Variants in DERL3 observed in about 807,000 individuals in gnomAD.
The protein encoded by DERL3 is derlin-3.
A neutral mutation model predicts 23.8 loss-of-function variants in DERL3; 20 were observed. That is an observed-to-expected ratio of 0.84 (90% CI 0.59 to 1.22). The LOEUF is 1.22. Ranked by LOEUF, DERL3 falls within the 50% of genes most tolerant of loss-of-function variation. The pLI is 0.00. For missense variants in DERL3, 319 were observed against 304.1 expected (o/e 1.05, Z -0.36); for synonymous variants, 145 against 132.5 (o/e 1.09, Z -0.65).
Position 23,836,102 on chromosome 22 carries a change from C to T in DERL3, c.*767G>A. On this transcript the variant is annotated 3_prime_UTR_variant, in exon 7 of 7. Coordinates refer to ENST00000318109, the MANE Select transcript of DERL3 (RefSeq NM_001002862.3). The stretch of plus-strand genomic sequence containing the variant: ...TGAGCCACAGGGGTCGGATAAGGCT[C>T]ACACACGTCCTCAGCTAAAAAGGGC... 1 of 985,454 alleles carries T rather than the reference C, an allele frequency of 1.0e-6. No individual in the cohort carries two copies. The highest frequency in any genetic ancestry group is 1.2e-6 in the Non-Finnish European group (1 of 829,952). The allele number at this position is 985,454 out of a possible 1,614,324, so 61.0% of individuals were successfully genotyped here.
Position 23,838,650 on chromosome 22 carries a change from G to T in DERL3, c.160-13C>A, listed in dbSNP as rs2031312175. On this transcript the variant is annotated splice_polypyrimidine_tract_variant and intron_variant, in intron 2 of 6. Transcript: ENST00000318109. ...CGAGCCTCCAGACCTACGGGGGACGGGCGGTCAGGTGCGGGGTGGGTGGGT... is the reference window on the plus strand; with the variant it reads ...CGAGCCTCCAGACCTACGGGGGACGTGCGGTCAGGTGCGGGGTGGGTGGGT... 3.9e-6 allele frequency: 6 copies of T among 1,558,172 alleles called. No individual in the cohort carries two copies. The highest frequency in any genetic ancestry group is 5.2e-6 in the Non-Finnish European group (6 of 1,151,434).
Position 23,836,977 on chromosome 22 carries a change from C to T in DERL3, c.615-15G>A. The T allele has an allele frequency of 6.2e-7, 1 of 1,604,618 alleles. No homozygotes were observed. The highest frequency in any genetic ancestry group is 8.5e-7 in the Non-Finnish European group (1 of 1,175,722). On this transcript the variant is annotated splice_polypyrimidine_tract_variant and intron_variant, in intron 6 of 6. Transcript: ENST00000318109. ...GGAGCAGCTTTCTGTGGGGAGGGGC[C>T]CGTGTTGAGCACAGGCCAGCACAGG... is the stretch of plus-strand genomic sequence containing the variant.
chr22:23,835,121 C>T lies in DERL3; in HGVS notation c.*1748G>A, dbSNP rs916423200. The T allele has an allele frequency of 1.2e-4, 169 of 1,368,996 alleles. No individual in the cohort carries two copies. Among genetic ancestry groups the T allele is most frequent in the Non-Finnish European group, 1.4e-4 (148 of 1,064,146 alleles). The allele number at this position is 1,368,996 out of a possible 1,614,324, so 84.8% of individuals were successfully genotyped here. A position where few individuals can be genotyped will look rare whatever the true frequency, so the allele number is the denominator to read the frequency against. ...GTGAGGAATATGGGAATAGCCCTCC[C>T]GGCCTGGTGCCAGCTCTTGGAGTTG... On this transcript the variant is annotated 3_prime_UTR_variant, in exon 7 of 7. Transcript: ENST00000318109.
rs777419308 is a variant in DERL3, at chr22:23,838,456, G to C, written c.234-11C>G. 7 of 1,592,486 alleles carry C rather than the reference G, an allele frequency of 4.4e-6. No homozygotes were observed. Among genetic ancestry groups the C allele is most frequent in the Non-Finnish European group, 4.3e-6 (5 of 1,168,996 alleles). On this transcript the variant is annotated splice_polypyrimidine_tract_variant and intron_variant, in intron 3 of 6. Transcript: ENST00000318109. The stretch of plus-strand genomic sequence containing the variant: ...CGGCAGTAGCGGAACCTACGGCGTC[G>C]GTATAGGAAGTGCCACCAGGCGGGG...
chr22:23,837,817 T>C lies in DERL3; in HGVS notation c.365A>G (p.Gln122Arg). The C allele has an allele frequency of 1.2e-6, 2 of 1,613,642 alleles. No homozygotes were observed. Among genetic ancestry groups the C allele is most frequent in the Non-Finnish European group, 1.7e-6 (2 of 1,179,872 alleles). The change falls in exon 5 of 7, where the codon CAG (glutamine) becomes CGG (arginine). Residue 122 changes from glutamine to arginine, a missense_variant. Transcript: ENST00000318109. ...GTACACCAGCATGGCCATGAGGGCCTGGCCCAGGAAGAACAGGCTGCCCAG... is the reference window on the plus strand; with the variant it reads ...GTACACCAGCATGGCCATGAGGGCCCGGCCCAGGAAGAACAGGCTGCCCAG... ...GLLGSLFFLG[Q>R]ALMAMLVYVW...
rs1477407659 is a variant in DERL3 at position 23,835,505 on chromosome 22, A to C, written c.*1364T>G. On this transcript the variant is annotated 3_prime_UTR_variant, in exon 7 of 7. Coordinates refer to ENST00000318109, the MANE Select transcript of DERL3 (RefSeq NM_001002862.3). The stretch of plus-strand genomic sequence containing the variant: ...TGGGGTTCTTGGTCGCTGAGATGTG[A>C]GAGGAGGGCTCCTTTGAGCACATGT... 1.0e-6 allele frequency: 1 copy of C among 985,440 alleles called. No individual in the cohort carries two copies. Among genetic ancestry groups the C allele is most frequent in the Non-Finnish European group, 1.2e-6 (1 of 830,024 alleles). 61.0% of individuals were successfully genotyped at this position (985,440 alleles called of 1,614,324 possible).
intron 6 of DERL3, 40 bp from the exon 7 acceptor site, chr22:23,837,002 G>A (rs779167583): frequency 6.2e-7 from 1 of 1,611,798 alleles, no homozygotes; most frequent in Non-Finnish European, 8.5e-7. Flanking sequence ...GCCAGCACAG[G>A]TCCCCATCGG....
At position 23,838,613 on chromosome 22, in the gene DERL3, G is replaced by A. The variant is rs747058361; in HGVS notation, c.184C>T (p.Leu62Phe). ...FQVWRLVTNF[L>F]FFGPLGFSFF... ...CTGAATCCCAGGGGCCCGAAGAAGA[G>A]GAAGTTGGTGACGAGCCTCCAGACC... The change falls in exon 3 of 7, where the codon CTC becomes TTC. Residue 62 changes from leucine to phenylalanine, a missense_variant. Transcript: ENST00000318109. 3.2e-6 allele frequency: 5 copies of A among 1,581,960 alleles called. No individual in the cohort carries two copies. The highest frequency in any genetic ancestry group is 1.4e-5 in the African/African-American group (1 of 73,720).
At chr22:23,837,987 T>A in intron 4 of DERL3, 133 bp from the exon 5 acceptor site, 1 of 1,241,554 alleles carries the variant, frequency 8.1e-7, no homozygotes, top group Non-Finnish European at 1.1e-6. Flanking sequence ...GCCAGTCCAA[T>A]AAAGGCGACA....
At position 23,834,837 on chromosome 22, in the gene DERL3, G is replaced by A. The variant is rs745936222; in HGVS notation, c.*2032C>T. On this transcript the variant is annotated 3_prime_UTR_variant, in exon 7 of 7. Transcript: ENST00000318109. ...TCCCCTTGCTTGGCCTCAGGAAGGT[G>A]CCGCGAGCTCTCCTGCCGTCCCTGG... 6.2e-7 allele frequency: 1 copy of A among 1,611,716 alleles called. No homozygotes were observed. Among genetic ancestry groups the A allele is most frequent in the Non-Finnish European group, 8.5e-7 (1 of 1,179,346 alleles).
rs1301089549 is a variant in DERL3, at chr22:23,836,319, GAGAC to G, written c.*546_*549del. The G allele has an allele frequency of 2.0e-6, 2 of 985,420 alleles. No homozygotes were observed. The highest frequency in any genetic ancestry group is 2.4e-6 in the Non-Finnish European group (2 of 829,974). The allele number at this position is 985,420 out of a possible 1,614,324, so 61.0% of individuals were successfully genotyped here. ...GCCCACCTGTCAGGGTGGCTGATGA[GAGAC>G]AGGAGAGGCTAGATTGGCATCAGCC... is the stretch of plus-strand genomic sequence containing the variant. On this transcript the variant is annotated 3_prime_UTR_variant, in exon 7 of 7. Coordinates refer to ENST00000318109, the MANE Select transcript of DERL3 (RefSeq NM_001002862.3).
Position 23,836,648 on chromosome 22 carries a change from G to T in DERL3, c.*221C>A. ...CTATCCTACCACCTGCAGTTGGGCT[G>T]AGAGGCCACACTGAGTGAGGACGGG... On this transcript the variant is annotated 3_prime_UTR_variant, in exon 7 of 7. Coordinates refer to ENST00000318109, the MANE Select transcript of DERL3 (RefSeq NM_001002862.3). The T allele has an allele frequency of 8.0e-7, 1 of 1,251,078 alleles. No homozygotes were observed. The highest frequency in any genetic ancestry group is 1.0e-6 in the Non-Finnish European group (1 of 1,002,060). 77.5% of individuals were successfully genotyped at this position (1,251,078 alleles called of 1,614,324 possible). A position where few individuals can be genotyped will look rare whatever the true frequency, so the allele number is the denominator to read the frequency against.
rs769019980 is a variant in DERL3, at chr22:23,837,647, C to A, written c.523+12G>T. ...CCAGCCTGGGGCGGACTAGATGTAC[C>A]GGGAGGCTCACCCAGCAGGTCCACG... On this transcript the variant is annotated intron_variant, in intron 5 of 6. Coordinates refer to ENST00000318109, the MANE Select transcript of DERL3 (RefSeq NM_001002862.3). 1 of 1,609,552 alleles carries A rather than the reference C, an allele frequency of 6.2e-7. No individual in the cohort carries two copies. Among genetic ancestry groups the A allele is most frequent in the Non-Finnish European group, 8.5e-7 (1 of 1,177,240 alleles).
At position 23,834,709 on chromosome 22, in the gene DERL3, TCC is replaced by T; in HGVS notation, c.*2158_*2159del. ...GGGTAGCACCTCAGCTCCTCTCAGC[TCC>T]CCTCAGCCTGTTCTCCTTCCAGACC... is the stretch of plus-strand genomic sequence containing the variant. On this transcript the variant is annotated 3_prime_UTR_variant, in exon 7 of 7. Transcript: ENST00000318109. 1 of 1,370,272 alleles carries T rather than the reference TCC, an allele frequency of 7.3e-7. No homozygotes were observed. The highest frequency in any genetic ancestry group is 9.8e-7 in the Non-Finnish European group (1 of 1,024,766). 84.9% of individuals were successfully genotyped at this position (1,370,272 alleles called of 1,614,324 possible).
chr22:23,837,983 C>G, intron 4 of DERL3, 129 bp from the exon 5 acceptor site: 1 of 1,240,462 alleles, frequency 8.1e-7, no homozygotes, highest in Non-Finnish European at 1.1e-6. Context: ...ATGAGCCAGT[C>G]CAATAAAGGC....
At chr22:23,838,811 G>A (rs1423367783) in intron 1 of DERL3, 35 bp from the exon 2 acceptor site, 10 of 1,550,980 alleles carry the variant, frequency 6.4e-6, no homozygotes, top group Non-Finnish European at 7.8e-6. Context: ...AGCTGCCCGG[G>A]AGCCACGCCG....
Position 23,835,864 on chromosome 22 carries a change from TC to T in DERL3, c.*1004del, listed in dbSNP as rs200643222. 111,362 of 973,396 alleles carry T rather than the reference TC, an allele frequency of 0.11. 6,363 individuals carry two copies. The highest frequency in any genetic ancestry group is 0.2 in the South Asian group (3,688 of 18,098). The allele number at this position is 973,396 out of a possible 1,614,324, so 60.3% of individuals were successfully genotyped here. A position where few individuals can be genotyped will look rare whatever the true frequency, so the allele number is the denominator to read the frequency against. On this transcript the variant is annotated 3_prime_UTR_variant, in exon 7 of 7. Coordinates refer to ENST00000318109, the MANE Select transcript of DERL3 (RefSeq NM_001002862.3). ...GGGAGGTGCCGGGAAGGCTGGGCCC[TC>T]ACTCCTGACCGCCAGCTCACACCGC...
Position 23,836,089 on chromosome 22 carries a change from G to A in DERL3, c.*780C>T, listed in dbSNP as rs904864288. On this transcript the variant is annotated 3_prime_UTR_variant, in exon 7 of 7. Transcript: ENST00000318109. Reference sequence around the variant, plus strand: ...CAGAAGAGAAAAATGAGCCACAGGGGTCGGATAAGGCTCACACACGTCCTC... The same window carrying A: ...CAGAAGAGAAAAATGAGCCACAGGGATCGGATAAGGCTCACACACGTCCTC... 1 of 985,342 alleles carries A rather than the reference G, an allele frequency of 1.0e-6. No homozygotes were observed. Among genetic ancestry groups the A allele is most frequent in the Non-Finnish European group, 1.2e-6 (1 of 829,972 alleles). 61.0% of individuals were successfully genotyped at this position (985,342 alleles called of 1,614,324 possible). A position where few individuals can be genotyped will look rare whatever the true frequency, so the allele number is the denominator to read the frequency against.
In DERL3 at chr22:23,836,814, T is replaced by C; in HGVS notation, c.*55A>G. The stretch of plus-strand genomic sequence containing the variant: ...GGGTTTTTTCTGCCCCAAGTAGGGG[T>C]CATGGGTAGGATGGAAGCTGCCAGA... On this transcript the variant is annotated 3_prime_UTR_variant, in exon 7 of 7. Coordinates refer to ENST00000318109, the MANE Select transcript of DERL3 (RefSeq NM_001002862.3). The C allele has an allele frequency of 7.0e-7, 1 of 1,425,680 alleles. No homozygotes were observed. Among genetic ancestry groups the C allele is most frequent in the Non-Finnish European group, 9.2e-7 (1 of 1,088,698 alleles). The allele number at this position is 1,425,680 out of a possible 1,614,324, so 88.3% of individuals were successfully genotyped here. A position where few individuals can be genotyped will look rare whatever the true frequency, so the allele number is the denominator to read the frequency against.
Sources: allele counts gnomAD v4.1 joint callset, GRCh38; gene constraint gnomAD v4.1.1; transcripts MANE v1.5; gene names NCBI Gene and HGNC (gene_info 2026-07-23, HGNC 2026-07-21).